The following PPFIBP2 variants were observed in gnomAD, a reference collection of about 807,000 sequenced individuals.
The protein encoded by PPFIBP2 is PPFIB scaffold protein 2.
PPFIBP2 carries 118 observed loss-of-function variants against 118.3 expected under a neutral mutation model. The observed-to-expected ratio is 1.00, with a 90% CI of 0.86 to 1.16. PPFIBP2 has a LOEUF of 1.16. Among genes scored for constraint, PPFIBP2 ranks in the 50% most tolerant of loss-of-function variants. The pLI is 0.00. For missense variants in PPFIBP2, 1,195 were observed against 1,073.1 expected, an observed-to-expected ratio of 1.11 and a Z score of -1.59; for synonymous variants, 414 against 397.4, an observed-to-expected ratio of 1.04 and a Z score of -0.50.
intron 12 of PPFIBP2, among the ~76,000 whole-genome samples, chr11:7,633,795 G>A (rs982070723): frequency 1.3e-5 from 2 of 152,192 alleles, no homozygotes; most frequent in East Asian, 3.8e-4. Flanking sequence ...CAACACCAAG[G>A]AACTCGGACT....
At chr11:7,554,628 G>C (rs145977959) in intron 2 of PPFIBP2, among the ~76,000 whole-genome samples, 71 of 152,154 alleles carry the variant, frequency 4.7e-4, no homozygotes, top group Admixed American at 7.8e-4. Context: ...CCAGAGCCAC[G>C]GTGCGATGGC....
chr11:7,567,775 T>G (rs1303253640), intron 3 of PPFIBP2, among the ~76,000 whole-genome samples: 1 of 152,228 alleles, frequency 6.6e-6, no homozygotes, highest in African/African-American at 2.4e-5. Flanking sequence ...TAGAAGTTGT[T>G]GCTGCTCAAA....
chr11:7,585,060 T>C (rs1201099356), intron 3 of PPFIBP2, among the ~76,000 whole-genome samples: 1 of 152,238 alleles, frequency 6.6e-6, no homozygotes, highest in African/African-American at 2.4e-5. Context: ...CCCAACGTGC[T>C]GTGTTCAAAA....
intron 1 of PPFIBP2, among the ~76,000 whole-genome samples, chr11:7,533,734 G>A (rs1006599848): frequency 3.3e-5 from 5 of 152,188 alleles, no homozygotes. Context: ...CACCCACGTA[G>A]AGGAAGTACA....
At chr11:7,545,888 G>C (rs1457421946) in intron 1 of PPFIBP2, among the ~76,000 whole-genome samples, 2 of 152,130 alleles carry the variant, frequency 1.3e-5, no homozygotes, top group Non-Finnish European at 2.9e-5. Context: ...CAATCCTCCC[G>C]ACTCCTACCT....
chr11:7,542,491 T>A, intron 1 of PPFIBP2, among the ~76,000 whole-genome samples: 1 of 152,208 alleles, frequency 6.6e-6, no homozygotes, highest in Non-Finnish European at 1.5e-5. Flanking sequence ...CCTCTTCACC[T>A]CCCCACCCCA....
intron 1 of PPFIBP2, among the ~76,000 whole-genome samples, chr11:7,525,670 T>C (rs1850170956): frequency 6.6e-6 from 1 of 152,200 alleles, no homozygotes; most frequent in Non-Finnish European, 1.5e-5. Flanking sequence ...GTGGCAGGGT[T>C]AAGTGCAAAG....
chr11:7,647,061 AG>A (rs1853199558), intron 17 of PPFIBP2, among the ~76,000 whole-genome samples: 1 of 152,192 alleles, frequency 6.6e-6, no homozygotes, highest in African/African-American at 2.4e-5. Context: ...TCCCTGCCCC[AG>A]GGTATACATT....
chr11:7,660,798 G>A (rs1287110663), downstream of PPFIBP2, among the ~76,000 whole-genome samples: 3 of 151,356 alleles, frequency 2.0e-5, no homozygotes, highest in South Asian at 4.2e-4. Flanking sequence ...TGGTTGGTAA[G>A]CTATTGATTA....
chr11:7,538,414 T>C (rs762709227), intron 1 of PPFIBP2: 2 of 152,730 alleles, frequency 1.3e-5, no homozygotes, highest in Non-Finnish European at 2.9e-5. Context: ...TGCAGCTTTC[T>C]GACTGAATGC....
the PPFIBP2 span, chr11:7,665,348 G>A: frequency 1.2e-5 from 18 of 1,478,000 alleles, no homozygotes; most frequent in East Asian, 2.4e-5. Flanking sequence ...AAAGGGACAT[G>A]CAAAATTGCT....
chr11:7,562,403 A>C (rs1260519528), intron 2 of PPFIBP2, among the ~76,000 whole-genome samples: 1 of 152,228 alleles, frequency 6.6e-6, no homozygotes. Flanking sequence ...GCCTTCCCCC[A>C]GAGTGAGTGG....
At chr11:7,609,608 T>C (rs1451966427) in intron 5 of PPFIBP2, among the ~76,000 whole-genome samples, 1 of 152,234 alleles carries the variant, frequency 6.6e-6, no homozygotes, top group African/African-American at 2.4e-5. Flanking sequence ...TATTTGGTTA[T>C]AGTCTGCTAC....
chr11:7,595,805 C>CT (rs1845573100), intron 4 of PPFIBP2, among the ~76,000 whole-genome samples: 1 of 151,946 alleles, frequency 6.6e-6, no homozygotes, highest in Non-Finnish European at 1.5e-5. Flanking sequence ...TAACAAAATA[C>CT]TTTGTTTCTA....
chr11:7,599,304 AAG>A (rs1862039974), intron 5 of PPFIBP2, among the ~76,000 whole-genome samples: 1 of 152,202 alleles, frequency 6.6e-6, no homozygotes, highest in South Asian at 2.1e-4. Context: ...ACAATCCAGA[AAG>A]AGAGCAAGAA....
chr11:7,632,760 A>C, intron 11 of PPFIBP2, 107 bp from the exon 12 acceptor site: 1 of 844,226 alleles, frequency 1.2e-6, no homozygotes, highest in Non-Finnish European at 2.0e-6. Flanking sequence ...GGCTGCACCC[A>C]GGGAGGAAAT....
intron 7 of PPFIBP2, among the ~76,000 whole-genome samples, chr11:7,623,270 C>T (rs933295886): frequency 2.0e-5 from 3 of 152,182 alleles, no homozygotes; most frequent in Admixed American, 1.3e-4. Context: ...GGCATGGTCC[C>T]TGGGTTTAAT....
At chr11:7,561,978 G>A (rs759875731) in intron 2 of PPFIBP2, among the ~76,000 whole-genome samples, 2 of 152,166 alleles carry the variant, frequency 1.3e-5, no homozygotes, top group Non-Finnish European at 2.9e-5. Context: ...TGGGGAGTCG[G>A]GGGAAAGTTT....
intron 12 of PPFIBP2, 97 bp from the exon 13 acceptor site, chr11:7,634,397 GC>G: frequency 3.1e-6 from 3 of 981,708 alleles, no homozygotes; most frequent in Non-Finnish European, 4.8e-6. Context: ...TTGAACCTAA[GC>G]CCAAGACCAT....
Sources: gnomAD v4.1 joint callset for allele counts (sites outside exome capture counted in the v4.1 genomes callset) on GRCh38, gnomAD v4.1.1 for gene constraint, MANE v1.5 for transcripts, NCBI Gene and HGNC (gene_info 2026-07-23, HGNC 2026-07-21) for gene names.